RFC3: variants seen among roughly 807,000 people sequenced by gnomAD.
The protein encoded by RFC3 is A1 38 kDa subunit.
In RFC3, 41 loss-of-function variants were observed where a neutral mutation model predicts 45.1. That is an observed-to-expected ratio of 0.91 (90% CI 0.71 to 1.18). The LOEUF is 1.18. Among genes scored for constraint, RFC3 ranks in the 50% most tolerant of loss-of-function variants. The pLI, the probability that RFC3 is intolerant of heterozygous loss-of-function variation, is 0.00. For synonymous variants in RFC3, 149 were observed against 144.0 expected (o/e 1.03, Z -0.25); for missense variants, 423 against 428.1 (o/e 0.99, Z 0.10).
chr13:33,838,817 T>C (rs1479738863), downstream of RFC3, among the ~76,000 whole-genome samples: 1 of 152,184 alleles, frequency 6.6e-6, no homozygotes, highest in Non-Finnish European at 1.5e-5. Context: ...GGCTGAAAAC[T>C]TGACGTTTTA....
At chr13:33,927,399 G>A (rs1260206351) in intron 8 of RFC3, among the ~76,000 whole-genome samples, 1 of 152,062 alleles carries the variant, frequency 6.6e-6, no homozygotes, top group Non-Finnish European at 1.5e-5. Context: ...TCTTCCAGGA[G>A]CTGGTGAGCT....
chr13:33,949,452 T>C (rs1433279175), intron 8 of RFC3, among the ~76,000 whole-genome samples: 2 of 152,344 alleles, frequency 1.3e-5, no homozygotes, highest in South Asian at 4.1e-4. Context: ...AAATTTATCA[T>C]TTACGTTAAG....
chr13:33,969,889 T>C (rs536715020), downstream of RFC3, among the ~76,000 whole-genome samples: 18 of 152,008 alleles, frequency 1.2e-4, no homozygotes, highest in East Asian at 3.5e-3. Flanking sequence ...AGATATTAAG[T>C]GGCTATTTAT....
chr13:33,824,418 T>C (rs148373265), intron 3 of RFC3, among the ~76,000 whole-genome samples: 32 of 152,284 alleles, frequency 2.1e-4, no homozygotes, highest in African/African-American at 7.5e-4. Context: ...TTATAATAGT[T>C]CACCAACCAA....
intron 8 of RFC3, among the ~76,000 whole-genome samples, chr13:33,856,765 G>A (rs1000750531): frequency 1.7e-4 from 26 of 152,120 alleles, no homozygotes; most frequent in Non-Finnish European, 2.9e-5. Flanking sequence ...TCTAAATTGG[G>A]TGCGTGTGAC....
intron 8 of RFC3, among the ~76,000 whole-genome samples, chr13:33,885,923 T>C (rs2082518404): frequency 6.6e-6 from 1 of 152,084 alleles, no homozygotes; most frequent in African/African-American, 2.4e-5. Context: ...TTTTCCATTC[T>C]CTCTTGCAAC....
rs920812308 is a variant in RFC3, at chr13:33,922,667, A to G, written c.880-43420A>G. 9.9e-5 allele frequency among the ~76,000 whole-genome samples: 15 copies of G among 152,266 alleles called. 1 individual carries two copies. The highest frequency in any genetic ancestry group is 9.2e-4 in the Admixed American group (14 of 15,286). On this transcript the variant is annotated intron_variant, in intron 8 of 8. Coordinates refer to the RFC3 transcript ENST00000434425. ...ATGTTTTTTAGTTTGTGCTGTTATG[A>G]AAAAGTAGCTAGTCAAATAATCTTG...
At chr13:33,945,756 T>C (rs566374249) in intron 8 of RFC3, among the ~76,000 whole-genome samples, 30 of 152,324 alleles carry the variant, frequency 2.0e-4, no homozygotes, top group African/African-American at 6.7e-4. Context: ...GAACCTGATA[T>C]GAATTTAGAA....
intron 2 of RFC3, 67 bp downstream of exon 2, chr13:33,821,336 G>C: frequency 6.7e-7 from 1 of 1,483,438 alleles, no homozygotes; most frequent in Non-Finnish European, 9.4e-7. Flanking sequence ...GGTCATGTAT[G>C]TCCCCCCAAC....
intron 1 of RFC3, among the ~76,000 whole-genome samples, chr13:33,820,062 A>G (rs749662693): frequency 2.0e-5 from 3 of 152,184 alleles, no homozygotes; most frequent in East Asian, 1.9e-4. Flanking sequence ...CATTTTTTCA[A>G]TAATGGTTAT....
chr13:33,926,109 CA>C (rs989929473), intron 8 of RFC3, among the ~76,000 whole-genome samples: 1 of 148,458 alleles, frequency 6.7e-6, no homozygotes, highest in Non-Finnish European at 1.5e-5. Context: ...ATCACAGGAA[CA>C]AAAAACCAGA....
At chr13:33,906,080 C>T (rs1239040567) in intron 8 of RFC3, among the ~76,000 whole-genome samples, 1 of 152,084 alleles carries the variant, frequency 6.6e-6, no homozygotes, top group Non-Finnish European at 1.5e-5. Context: ...GCTATGCATA[C>T]AGTGTTACTT....
At chr13:33,939,620 C>T (rs189348022) in intron 8 of RFC3, among the ~76,000 whole-genome samples, 2 of 152,228 alleles carry the variant, frequency 1.3e-5, no homozygotes, top group East Asian at 1.9e-4. Flanking sequence ...GTATTAAACC[C>T]GAGGAGGGGT....
intron 8 of RFC3, among the ~76,000 whole-genome samples, chr13:33,934,434 C>A (rs1346905405): frequency 6.6e-6 from 1 of 152,086 alleles, no homozygotes; most frequent in African/African-American, 2.4e-5. Context: ...GCAACTGGAA[C>A]TAAAAAGAGA....
intron 7 of RFC3, among the ~76,000 whole-genome samples, chr13:33,831,728 A>G (rs2082106674): frequency 6.6e-6 from 1 of 152,098 alleles, no homozygotes; most frequent in African/African-American, 2.4e-5. Context: ...ATGATGCATC[A>G]TGTGCTAGAA....
intron 3 of RFC3, among the ~76,000 whole-genome samples, chr13:33,824,285 A>C (rs1469563383): frequency 6.6e-6 from 1 of 152,146 alleles, no homozygotes; most frequent in Non-Finnish European, 1.5e-5. Context: ...TGGCTCATTC[A>C]TTACTGATGA....
chr13:33,937,300 T>A (rs888827734), intron 8 of RFC3, among the ~76,000 whole-genome samples: 13 of 152,124 alleles, frequency 8.5e-5, no homozygotes, highest in African/African-American at 3.1e-4. Context: ...AAAGGTTAGG[T>A]GTGTAGTAAG....
intron 8 of RFC3, among the ~76,000 whole-genome samples, chr13:33,896,517 A>T (rs1187549127): frequency 6.6e-6 from 1 of 151,834 alleles, no homozygotes; most frequent in East Asian, 1.9e-4. Flanking sequence ...TGAAGTCAGG[A>T]ATTTGAGACC....
intron 1 of RFC3, among the ~76,000 whole-genome samples, chr13:33,819,889 T>A (rs1268116967): frequency 1.3e-5 from 2 of 152,210 alleles, no homozygotes; most frequent in Non-Finnish European, 1.5e-5. Context: ...AGATTGAAGT[T>A]GAAAAAACAA....
Sources: gnomAD v4.1 joint callset for allele counts (sites outside exome capture counted in the v4.1 genomes callset) on GRCh38, gnomAD v4.1.1 for gene constraint, MANE v1.5 for transcripts, NCBI Gene and HGNC (gene_info 2026-07-23, HGNC 2026-07-21) for gene names.